ARHGAP6: variants seen among roughly 807,000 people sequenced by gnomAD.
The protein encoded by ARHGAP6 is rho GTPase-activating protein 6.
ARHGAP6 carries 16 observed loss-of-function variants against 55.7 expected under a neutral mutation model. The observed-to-expected ratio is 0.29, with a 90% confidence interval of 0.19 to 0.44. ARHGAP6 has a LOEUF of 0.44. Among genes scored for constraint, ARHGAP6 ranks in the 20% least tolerant of loss-of-function variants. ARHGAP6 has a pLI of 1.00. For synonymous variants in ARHGAP6, 382 were observed against 360.9 expected (o/e 1.06, Z -0.66); for missense variants, 698 against 808.9 (o/e 0.86, Z 1.66).
intron 1 of ARHGAP6, among the ~76,000 whole-genome samples, chrX:11,436,318 A>G (rs1163870641): frequency 8.9e-6 from 1 of 112,369 alleles, no homozygotes; most frequent in East Asian, 2.8e-4. Context: ...CCATTTTTGC[A>G]GTGGAATGAT....
chrX:11,387,979 G>C (rs1312099870), intron 1 of ARHGAP6, among the ~76,000 whole-genome samples: 1 of 112,050 alleles, frequency 8.9e-6, no homozygotes, highest in Non-Finnish European at 1.9e-5. Flanking sequence ...TTGGTTCCAA[G>C]TCTTTGCTAT....
chrX:11,144,869 A>C (rs762953369), intron 10 of ARHGAP6, among the ~76,000 whole-genome samples: 1 of 112,319 alleles, frequency 8.9e-6, no homozygotes, highest in East Asian at 2.8e-4. Context: ...GACCCTCACT[A>C]GACTCCATTT....
chrX:11,323,009 C>A (rs752768408), intron 1 of ARHGAP6, among the ~76,000 whole-genome samples: 2 of 112,034 alleles, frequency 1.8e-5, no homozygotes, highest in South Asian at 3.7e-4. Flanking sequence ...GCATAGTATA[C>A]CCTGAATTCT....
chrX:11,520,919 T>C (rs2050917327), intron 1 of ARHGAP6, among the ~76,000 whole-genome samples: 1 of 112,504 alleles, frequency 8.9e-6, no homozygotes, highest in Non-Finnish European at 1.9e-5. Context: ...CCAGTGATGA[T>C]GAGCATTTTG....
At chrX:11,358,774 GC>G (rs2048971344) in intron 1 of ARHGAP6, among the ~76,000 whole-genome samples, 2 of 111,627 alleles carry the variant, frequency 1.8e-5, no homozygotes, top group African/African-American at 6.5e-5. Context: ...GAGCCACCGT[GC>G]CCGGCCTTAA....
chrX:11,480,522 A>G (rs1340278649), intron 1 of ARHGAP6, among the ~76,000 whole-genome samples: 1 of 111,639 alleles, frequency 9.0e-6, no homozygotes, highest in Non-Finnish European at 1.9e-5. Flanking sequence ...AAAATGTTCT[A>G]ATTGATTGTG....
chrX:11,558,975 C>T (rs776095678), intron 1 of ARHGAP6, among the ~76,000 whole-genome samples: 3 of 104,133 alleles, frequency 2.9e-5, no homozygotes, highest in Non-Finnish European at 5.8e-5. Context: ...GGGAATTTAT[C>T]GGGAACTTTT....
chrX:11,147,816 G>A (rs2045719076), intron 10 of ARHGAP6, among the ~76,000 whole-genome samples: 1 of 112,280 alleles, frequency 8.9e-6, no homozygotes, highest in Non-Finnish European at 1.9e-5. Flanking sequence ...GATGGTAAAA[G>A]TTTATAGGAA....
chrX:11,572,634 T>C (rs1362437858), intron 1 of ARHGAP6, among the ~76,000 whole-genome samples: 55 of 111,744 alleles, frequency 4.9e-4, no homozygotes, highest in African/African-American at 1.7e-3. Context: ...TTGTGAACAG[T>C]GCCGCAATAA....
At chrX:11,637,809 G>A (rs2052434691) in intron 1 of ARHGAP6, among the ~76,000 whole-genome samples, 1 of 109,975 alleles carries the variant, frequency 9.1e-6, no homozygotes, top group Non-Finnish European at 1.9e-5. Context: ...AAGTAATTAG[G>A]TGGCTTCAAT....
chrX:11,496,372 A>G (rs1692329666), intron 1 of ARHGAP6, among the ~76,000 whole-genome samples: 1 of 112,145 alleles, frequency 8.9e-6, no homozygotes, highest in South Asian at 3.7e-4. Flanking sequence ...GTAATATTTT[A>G]TTAGCACAAG....
intron 2 of ARHGAP6, among the ~76,000 whole-genome samples, chrX:11,200,562 C>T (rs957677616): frequency 8.9e-6 from 1 of 112,497 alleles, no homozygotes; most frequent in African/African-American, 3.2e-5. Flanking sequence ...TGAGATTGCT[C>T]CCTGAGACAT....
rs763561780 is a variant in ARHGAP6, at chrX:11,139,373, G to C, written c.2415C>G (p.Pro805=). 8.5e-7 allele frequency: 1 copy of C among 1,180,602 alleles called. No homozygotes were observed. Among genetic ancestry groups the C allele is most frequent in the East Asian group, 3.1e-5 (1 of 32,194 alleles). ...CAGGGTGGGCCCTGCCCTCCGTCGC[G>C]GGGGCTGCGGCCTGAGTCCTCCGAG... is the stretch of plus-strand genomic sequence containing the variant. ...QGARRTQAAA[P]ATEGRAHPAV... The change falls in exon 13 of 13, where the codon CCC becomes CCG. Residue 805 remains proline, a synonymous_variant. Coordinates refer to ENST00000337414, the MANE Select transcript of ARHGAP6 (RefSeq NM_013427.3).
intron 1 of ARHGAP6, among the ~76,000 whole-genome samples, chrX:11,464,086 G>A (rs1332470520): frequency 9.4e-6 from 1 of 106,274 alleles, no homozygotes; most frequent in Non-Finnish European, 2.0e-5. Context: ...TTGGATAGAT[G>A]CGGCTAAACC....
At chrX:11,280,967 A>T (rs1013939482) in intron 1 of ARHGAP6, among the ~76,000 whole-genome samples, 1 of 111,330 alleles carries the variant, frequency 9.0e-6, no homozygotes, top group Non-Finnish European at 1.9e-5. Flanking sequence ...TGTGTGCTAG[A>T]ATGTTCATAG....
intron 1 of ARHGAP6, among the ~76,000 whole-genome samples, chrX:11,538,130 C>G (rs1254199988): frequency 8.9e-6 from 1 of 112,056 alleles, no homozygotes; most frequent in Non-Finnish European, 1.9e-5. Flanking sequence ...TATAGCTTCT[C>G]TATGGCCCAA....
chrX:11,416,729 G>A (rs935884914), intron 1 of ARHGAP6, among the ~76,000 whole-genome samples: 5 of 110,488 alleles, frequency 4.5e-5, no homozygotes, highest in African/African-American at 6.6e-5. Context: ...GCTCGGTCAT[G>A]GCTACCTCAA....
chrX:11,184,643 T>C (rs933173635), intron 5 of ARHGAP6, among the ~76,000 whole-genome samples: 2 of 112,593 alleles, frequency 1.8e-5, no homozygotes, highest in Admixed American at 1.9e-4. Flanking sequence ...GAAGATTCAT[T>C]CAGTTCACTC....
In ARHGAP6 at chrX:11,585,629, GT is replaced by G. The variant is rs761295293; in HGVS notation, c.588+78611del. Among the ~76,000 whole-genome samples, 4 of 112,154 alleles carry G rather than the reference GT, an allele frequency of 3.6e-5. No individual in the cohort carries two copies. The South Asian group carries it at 1.5e-3, about 41-fold the overall frequency. On this transcript the variant is annotated intron_variant, in intron 1 of 12. Transcript: ENST00000337414. ...TTTGCCCACTTTTTAATGGTGTTTT[GT>G]TTTTTCTTGGAAATTTAAGTTCCTT...
Sources: allele counts gnomAD v4.1 joint callset (sites outside exome capture counted in the v4.1 genomes callset), GRCh38; gene constraint gnomAD v4.1.1; transcripts MANE v1.5; gene names NCBI Gene and HGNC (gene_info 2026-07-23, HGNC 2026-07-21).